The following DCX variants were observed in gnomAD, a reference collection of about 807,000 sequenced individuals.
DCX encodes doublecortin.
A neutral mutation model predicts 20.9 loss-of-function variants in DCX; 4 were observed. That is an observed-to-expected ratio of 0.19 (90% CI 0.09 to 0.44). The LOEUF (loss-of-function observed/expected upper bound fraction) is 0.44. Ranked by LOEUF, DCX falls within the 20% of genes least tolerant of loss-of-function variation. The pLI is 0.99. For missense variants in DCX, 133 were observed against 296.9 expected (o/e 0.45, Z 4.06); for synonymous variants, 103 against 111.4 (o/e 0.92, Z 0.47).
intron 3 of DCX, among the ~76,000 whole-genome samples, chrX:111,352,837 C>CAG (rs768081351): frequency 0.057 from 5,156 of 89,994 alleles, 135 homozygotes; most frequent in African/African-American, 0.092. Context: ...GACAGACAGA[C>CAG]AGAGAGAGAG....
At position 111,312,654 on chromosome X, in the gene DCX, G is replaced by A; in HGVS notation, c.1029C>T (p.Leu343=). The A allele has an allele frequency of 8.3e-7, 1 of 1,211,669 alleles. No individual in the cohort carries two copies. Among genetic ancestry groups the A allele is most frequent in the Non-Finnish European group, 1.1e-6 (1 of 895,422 alleles). ...AGAGACATAATACCTTGTGCTTCCGGAGGCTGCCAGGACTGGTGGGCGTAG... is the reference window on the plus strand; with the variant it reads ...AGAGACATAATACCTTGTGCTTCCGAAGGCTGCCAGGACTGGTGGGCGTAG... The part of the protein sequence containing the change: ...PISTPTSPGS[L]RKHKVDLYLP... The change falls in exon 6 of 7, where the codon CTC becomes CTT. Residue 343 remains leucine (L), a synonymous_variant. Transcript: ENST00000636035.
chrX:111,389,375 A>G (rs1358876925), intron 3 of DCX, among the ~76,000 whole-genome samples: 1 of 110,671 alleles, frequency 9.0e-6, no homozygotes, highest in Non-Finnish European at 1.9e-5. Context: ...TCCTTGGACA[A>G]TTTCTCACAT....
Position 111,407,231 on chromosome X carries a change from T to C in DCX, c.364+2804A>G, listed in dbSNP as rs191106223. ...ATGGTTTCCTCAAGGTCTTACAGGC[T>C]AGCACTGACAGATCCTGAATTTCAA... On this transcript the variant is annotated intron_variant, in intron 2 of 6. Transcript: ENST00000636035. Among the ~76,000 whole-genome samples, 364 of 111,995 alleles carry C rather than the reference T, an allele frequency of 3.3e-3. 4 individuals carry two copies. Among genetic ancestry groups the C allele is most frequent in the Non-Finnish European group, 5.0e-3 (264 of 53,179 alleles).
intron 2 of DCX, among the ~76,000 whole-genome samples, chrX:111,403,604 G>C (rs1489282104): frequency 1.8e-5 from 2 of 112,073 alleles, no homozygotes; most frequent in African/African-American, 6.5e-5. Flanking sequence ...CTGATGTGAT[G>C]TCAGTCAGGA....
chrX:111,407,458 G>A (rs1928289641), intron 2 of DCX, among the ~76,000 whole-genome samples: 1 of 111,861 alleles, frequency 8.9e-6, no homozygotes, highest in Admixed American at 9.5e-5. Context: ...CTCTGTGGCA[G>A]TGGGAAAATT....
At chrX:111,308,262 G>T (rs1473899515) in intron 6 of DCX, among the ~76,000 whole-genome samples, 2 of 111,868 alleles carry the variant, frequency 1.8e-5, no homozygotes, top group Non-Finnish European at 3.8e-5. Flanking sequence ...CGATACTATT[G>T]TATTAGAGAA....
chrX:111,343,570 C>T (rs967354395), intron 3 of DCX, among the ~76,000 whole-genome samples: 2 of 111,673 alleles, frequency 1.8e-5, no homozygotes, highest in Admixed American at 1.9e-4. Context: ...GGGACTCCTC[C>T]CTACCTCATT....
chrX:111,346,920 T>C (rs1922873809), intron 3 of DCX, among the ~76,000 whole-genome samples: 1 of 111,548 alleles, frequency 9.0e-6, no homozygotes, highest in Admixed American at 9.5e-5. Context: ...CCTTTTAAAA[T>C]ACTTATTCTG....
intron 3 of DCX, among the ~76,000 whole-genome samples, chrX:111,335,720 G>C (rs768787957): frequency 8.9e-6 from 1 of 112,189 alleles, no homozygotes; most frequent in African/African-American, 3.2e-5. Context: ...GGCCAAGGCA[G>C]GTGGATCACG....
chrX:111,352,837 CAGAGAGAGAG>C (rs768081351), intron 3 of DCX, among the ~76,000 whole-genome samples: 24 of 90,152 alleles, frequency 2.7e-4, no homozygotes, highest in East Asian at 7.1e-4. Context: ...GACAGACAGA[CAGAGAGAGAG>C]AGAGAGAGAG....
chrX:111,377,850 T>G (rs1296101848), intron 3 of DCX, among the ~76,000 whole-genome samples: 1 of 110,829 alleles, frequency 9.0e-6, no homozygotes, highest in East Asian at 2.8e-4. Flanking sequence ...CTCCTTCCAC[T>G]AGAAACACTT....
At chrX:111,304,763 C>A (rs1324892138) in intron 6 of DCX, among the ~76,000 whole-genome samples, 5 of 111,816 alleles carry the variant, frequency 4.5e-5, no homozygotes, top group African/African-American at 1.6e-4. Flanking sequence ...CTGCTGAAAA[C>A]CTTGAAAGGA....
At chrX:111,320,810 TTC>T (rs1390179294) in intron 5 of DCX, among the ~76,000 whole-genome samples, 2 of 107,682 alleles carry the variant, frequency 1.9e-5, no homozygotes, top group African/African-American at 6.9e-5. Flanking sequence ...GCACTCTTCT[TTC>T]TCTCTCTTTC....
At chrX:111,343,650 C>T (rs751752207) in intron 3 of DCX, among the ~76,000 whole-genome samples, 1 of 111,655 alleles carries the variant, frequency 9.0e-6, no homozygotes, top group South Asian at 3.8e-4. Context: ...AATTTCAGGC[C>T]AATATCCCTG....
chrX:111,392,441 C>T lies in DCX; in HGVS notation c.705+8549G>A, dbSNP rs1472862018. ...ATAAACAAAATGTAGTATATCCATA[C>T]AATGGAGTACTATTCAGCCATAAAA... On this transcript the variant is annotated intron_variant, in intron 3 of 6. Coordinates refer to ENST00000636035, the MANE Select transcript of DCX (RefSeq NM_001195553.2). Among the ~76,000 whole-genome samples, 7 of 111,488 alleles carry T rather than the reference C, an allele frequency of 6.3e-5. No individual in the cohort carries two copies. The Admixed American group carries it at 6.7e-4, about 11-fold the overall frequency.
chrX:111,342,370 T>TATATATATATAG, intron 3 of DCX, among the ~76,000 whole-genome samples: 1 of 75,873 alleles, frequency 1.3e-5, no homozygotes, highest in Admixed American at 1.5e-4. Context: ...TATATATATA[T>TATATATATATAG]ATATATATAT....
rs2095030745 is a variant in DCX at position 111,300,224 on chromosome X, A to G, written c.*1463T>C. ...GCATGCATGACCTTCACTTAAATTT[A>G]GTTGTCTTTGCCATTATGGGCTATG... On this transcript the variant is annotated 3_prime_UTR_variant, in exon 7 of 7. Coordinates refer to ENST00000636035, the MANE Select transcript of DCX (RefSeq NM_001195553.2). 1 of 112,078 alleles carries G rather than the reference A, an allele frequency of 8.9e-6. No homozygotes were observed. The highest frequency in any genetic ancestry group is 3.3e-5 in the African/African-American group (1 of 30,755). 9.2% of individuals were successfully genotyped at this position (112,078 alleles called of 1,213,427 possible).
intron 3 of DCX, among the ~76,000 whole-genome samples, chrX:111,361,591 T>G (rs1231612023): frequency 8.9e-6 from 1 of 112,248 alleles, no homozygotes; most frequent in Non-Finnish European, 1.9e-5. Flanking sequence ...GGGAACTATC[T>G]CCCTGTAAAA....
chrX:111,408,644 AAG>A (rs1177634160), intron 2 of DCX, among the ~76,000 whole-genome samples: 2 of 92,816 alleles, frequency 2.2e-5, no homozygotes, highest in African/African-American at 8.9e-5. Flanking sequence ...GAAAGAAAGA[AAG>A]AAAGAAAGAA....
Sources: allele counts gnomAD v4.1 joint callset (sites outside exome capture counted in the v4.1 genomes callset), GRCh38; gene constraint gnomAD v4.1.1; transcripts MANE v1.5; gene names NCBI Gene and HGNC (gene_info 2026-07-23, HGNC 2026-07-21).